Variants in DOCK4 observed in about 807,000 individuals in gnomAD.
DOCK4 encodes the protein dedicator of cytokinesis 4.
Under a neutral mutation model 268.1 loss-of-function variants are expected in DOCK4, and 97 were observed. The observed-to-expected ratio is 0.36, with a 90% CI of 0.31 to 0.43. The LOEUF is 0.43. Ranked by LOEUF, DOCK4 falls within the 20% of genes least tolerant of loss-of-function variation. The pLI, the probability that DOCK4 is intolerant of heterozygous loss-of-function variation, is 1.00. For missense variants in DOCK4, 2,145 were observed against 2,455.7 expected (o/e 0.87, Z 2.67); for synonymous variants, 954 against 887.2 (o/e 1.08, Z -1.34).
chr7:111,860,787 C>G (rs10229799), intron 23 of DOCK4, among the ~76,000 whole-genome samples: 2 of 151,930 alleles, frequency 1.3e-5, no homozygotes, highest in African/African-American at 4.8e-5. Flanking sequence ...TTCTTTATCC[C>G]GCATCACAGC....
At chr7:112,057,605 C>T (rs1455865229) in intron 1 of DOCK4, among the ~76,000 whole-genome samples, 1 of 150,284 alleles carries the variant, frequency 6.7e-6, no homozygotes, top group Non-Finnish European at 1.5e-5. Context: ...AGACCTTATC[C>T]TTGCAAAAAA....
intron 1 of DOCK4, among the ~76,000 whole-genome samples, chr7:112,173,816 T>C (rs1052345135): frequency 6.6e-6 from 1 of 152,098 alleles, no homozygotes; most frequent in Non-Finnish European, 1.5e-5. Flanking sequence ...AAAGGCTACC[T>C]AAGCAGCATG....
chr7:112,008,189 G>A (rs1801008646), intron 1 of DOCK4, among the ~76,000 whole-genome samples: 1 of 152,148 alleles, frequency 6.6e-6, no homozygotes, highest in African/African-American at 2.4e-5. Context: ...TACGGGCCCT[G>A]AGAGCACAAT....
chr7:111,977,029 C>T (rs564330499), intron 8 of DOCK4, 103 bp downstream of exon 8: 107 of 1,327,180 alleles, frequency 8.1e-5, no homozygotes, highest in African/African-American at 2.4e-4. Flanking sequence ...TTGAAGCTGA[C>T]GGAGTAAAAA....
intron 1 of DOCK4, among the ~76,000 whole-genome samples, chr7:112,023,838 ACTTACT>A (rs547922521): frequency 7.2e-4 from 109 of 152,352 alleles, no homozygotes; most frequent in African/African-American, 2.4e-3. Flanking sequence ...TCAAAAACAG[ACTTACT>A]CTTTAATCTA....
rs571877119 is a variant in DOCK4, at chr7:111,879,628, A to G, written c.1588-2442T>C. Among the ~76,000 whole-genome samples, 6 of 152,306 alleles carry G rather than the reference A, an allele frequency of 3.9e-5. No homozygotes were observed. The East Asian group carries it at 1.2e-3, about 29-fold the overall frequency. Reference sequence around the variant, plus strand: ...TCTGGCAGCATTCACCACAAGCTCAAACAGATAATTCAAAATAGCTGTTTT... The same window carrying G: ...TCTGGCAGCATTCACCACAAGCTCAGACAGATAATTCAAAATAGCTGTTTT... On this transcript the variant is annotated intron_variant, in intron 16 of 52. Coordinates refer to ENST00000428084, the MANE Select transcript of DOCK4 (RefSeq NM_001363540.2).
At position 111,877,158 on chromosome 7, in the gene DOCK4, G is replaced by A; in HGVS notation, c.1616C>T (p.Thr539Ile). ...AAAGGGAAGTTTGAGGTAGCGGGTA[G>A]TATCCTGAAGATTTGTGTTTTCTTC... ...KCEENTNLQD[T>I]TRYLKLPFSK... The change falls in exon 17 of 53, where the codon ACT (threonine) becomes ATT (isoleucine). Residue 539 changes from threonine to isoleucine, a missense_variant. By Grantham distance (89) the Thr-to-Ile change is moderately conservative. This residue lies in a region of DOCK4 where 1,598 missense variants were observed against 1,986.7 expected (regional missense o/e 0.80). Transcript: ENST00000428084. The A allele has an allele frequency of 6.5e-7, 1 of 1,548,292 alleles. No individual in the cohort carries two copies. The highest frequency in any genetic ancestry group is 8.7e-7 in the Non-Finnish European group (1 of 1,149,710).
intron 1 of DOCK4, among the ~76,000 whole-genome samples, chr7:112,165,547 T>C (rs893588762): frequency 7.2e-6 from 1 of 139,736 alleles, no homozygotes; most frequent in Non-Finnish European, 1.6e-5. Flanking sequence ...TGTGTGTGTG[T>C]GTGTGTGTGT....
At chr7:111,731,515 A>G (rs1186201648) in intron 52 of DOCK4, among the ~76,000 whole-genome samples, 2 of 142,586 alleles carry the variant, frequency 1.4e-5, no homozygotes, top group East Asian at 4.2e-4. Flanking sequence ...CGTACTGACA[A>G]TCCTTGAAGC....
intron 8 of DOCK4, among the ~76,000 whole-genome samples, chr7:111,959,117 G>A (rs568397161): frequency 6.6e-6 from 1 of 152,038 alleles, no homozygotes; most frequent in South Asian, 2.1e-4. Context: ...CAGGAGGCCC[G>A]AGGGAAGGTC....
At chr7:111,803,668 A>G (rs1354140386) in intron 30 of DOCK4, among the ~76,000 whole-genome samples, 1 of 152,234 alleles carries the variant, frequency 6.6e-6, no homozygotes, top group Non-Finnish European at 1.5e-5. Flanking sequence ...ACATTCTAGT[A>G]AAGACTAACC....
chr7:111,923,583 G>C (rs2134600966), intron 12 of DOCK4, among the ~76,000 whole-genome samples: 1 of 152,186 alleles, frequency 6.6e-6, no homozygotes, highest in East Asian at 1.9e-4. Flanking sequence ...CTCTGCAAAA[G>C]TTATTTAATT....
chr7:111,869,689 AT>A, intron 20 of DOCK4, 34 bp from the exon 21 acceptor site: 1 of 1,587,996 alleles, frequency 6.3e-7, no homozygotes, highest in Non-Finnish European at 8.6e-7. Flanking sequence ...AGAATGTAAA[AT>A]TGGTCTAATT....
intron 1 of DOCK4, among the ~76,000 whole-genome samples, chr7:112,160,504 G>A (rs1278416492): frequency 6.6e-6 from 1 of 152,156 alleles, no homozygotes; most frequent in Non-Finnish European, 1.5e-5. Context: ...TCTGAGGGAG[G>A]AGCAACTAAG....
chr7:111,784,416 T>G, intron 32 of DOCK4: 1 of 607,536 alleles, frequency 1.6e-6, no homozygotes, highest in East Asian at 3.4e-5. Flanking sequence ...TCCAAGCAAT[T>G]TTACTGCAAT....
intron 18 of DOCK4, 37 bp from the exon 19 acceptor site, chr7:111,872,389 T>C: frequency 8.5e-6 from 13 of 1,526,302 alleles, no homozygotes; most frequent in Non-Finnish European, 1.1e-5. Context: ...GTAAATAAGA[T>C]ACTATCTGTC....
chr7:112,054,352 T>C (rs777072507), intron 1 of DOCK4, among the ~76,000 whole-genome samples: 13 of 152,112 alleles, frequency 8.5e-5, no homozygotes, highest in Non-Finnish European at 1.6e-4. Flanking sequence ...ATGAGACCTA[T>C]CATTATATAC....
intron 1 of DOCK4, among the ~76,000 whole-genome samples, chr7:112,085,019 C>G (rs189716686): frequency 3.2e-4 from 49 of 152,234 alleles, no homozygotes; most frequent in Admixed American, 2.9e-3. Flanking sequence ...GGCTGTCTGA[C>G]TTCAGAACAG....
chr7:111,906,591 A>G (rs1253585767), intron 13 of DOCK4, among the ~76,000 whole-genome samples: 3 of 152,184 alleles, frequency 2.0e-5, no homozygotes, highest in Non-Finnish European at 4.4e-5. Context: ...AAAGATGCCT[A>G]GGTTCCAATC....
Sources: gnomAD v4.1 joint callset for allele counts (sites outside exome capture counted in the v4.1 genomes callset) on GRCh38, gnomAD v4.1.1 for gene constraint, gnomAD v4.1.1 regional missense constraint, MANE v1.5 for transcripts, NCBI Gene and HGNC (gene_info 2026-07-23, HGNC 2026-07-21) for gene names.